Variants in PIP4P2 observed in about 807,000 individuals in gnomAD.
The protein encoded by PIP4P2 is type 2 phosphatidylinositol 4,5-bisphosphate 4-phosphatase.
Under a neutral mutation model 33.3 loss-of-function variants are expected in PIP4P2, and 19 were observed. The observed-to-expected ratio is 0.57, with a 90% CI of 0.40 to 0.84. The LOEUF is 0.84. PIP4P2 is among the 40% of genes least tolerant of loss of function. The probability of loss-of-function intolerance (pLI) is 0.00; values close to 1 mark genes in which losing one functional copy is unlikely to be tolerated. For missense variants in PIP4P2, 270 were observed against 324.7 expected (o/e 0.83, Z 1.29); for synonymous variants, 110 against 111.9 (o/e 0.98, Z 0.11).
chr8:91,040,081 A>T (rs1425520426), intron 1 of PIP4P2, among the ~76,000 whole-genome samples: 1 of 152,186 alleles, frequency 6.6e-6, no homozygotes, highest in Admixed American at 6.6e-5. Flanking sequence ...CAGGAATTTC[A>T]GACATATTAG....
chr8:90,994,568 G>T lies in PIP4P2; in HGVS notation c.*1109C>A, dbSNP rs1323006333. On this transcript the variant is annotated 3_prime_UTR_variant, in exon 7 of 7. Coordinates refer to ENST00000285419, the MANE Select transcript of PIP4P2 (RefSeq NM_018710.3). The stretch of plus-strand genomic sequence containing the variant: ...TCAAAACTGCAAAGATGGGCAGTGC[G>T]AGAGCTGATTCCATAAATTTCAATG... The T allele has an allele frequency of 6.6e-6, 1 of 152,518 alleles. No individual in the cohort carries two copies. Among genetic ancestry groups the T allele is most frequent in the East Asian group, 1.9e-4 (1 of 5,202 alleles). The allele number at this position is 152,518 out of a possible 1,614,324, so 9.4% of individuals were successfully genotyped here. A position where few individuals can be genotyped will look rare whatever the true frequency, so the allele number is the denominator to read the frequency against.
intron 4 of PIP4P2, among the ~76,000 whole-genome samples, chr8:91,012,998 C>A (rs1316705195): frequency 6.6e-6 from 1 of 152,114 alleles, no homozygotes; most frequent in Non-Finnish European, 1.5e-5. Flanking sequence ...ATTCCCTTTT[C>A]TACCCTATTA....
chr8:91,016,378 G>A (rs960215758), intron 4 of PIP4P2, among the ~76,000 whole-genome samples: 3 of 152,004 alleles, frequency 2.0e-5, no homozygotes, highest in Non-Finnish European at 2.9e-5. Flanking sequence ...AGACCCTCAC[G>A]AAGACATAGA....
chr8:91,013,663 T>C (rs1811870217), intron 4 of PIP4P2, among the ~76,000 whole-genome samples: 1 of 152,032 alleles, frequency 6.6e-6, no homozygotes, highest in Non-Finnish European at 1.5e-5. Flanking sequence ...ATCTCCTGAG[T>C]AGCTAGGACT....
intron 2 of PIP4P2, 60 bp downstream of exon 2, chr8:91,021,196 C>T: frequency 6.3e-7 from 1 of 1,584,640 alleles, no homozygotes; most frequent in South Asian, 1.1e-5. Context: ...GAAGTACTTC[C>T]TTTAGGAATA....
At chr8:91,010,924 A>C (rs73299973) in intron 4 of PIP4P2, among the ~76,000 whole-genome samples, 4,813 of 150,146 alleles carry the variant, frequency 0.032, 252 homozygotes, top group African/African-American at 0.11. Context: ...AGTTTCCCCA[A>C]GATATATTTT....
chr8:91,040,829 TGCTGCC>T lies in PIP4P2; in HGVS notation c.-86_-81del, dbSNP rs1563571748. On this transcript the variant is annotated 5_prime_UTR_variant, in exon 1 of 7. Coordinates refer to ENST00000285419, the MANE Select transcript of PIP4P2 (RefSeq NM_018710.3). ...GAGTGGTGGCTACTGCTGCTGCCTC[TGCTGCC>T]GCTGCTGCCGCTGCAGCTGCTGCTG... is the stretch of plus-strand genomic sequence containing the variant. 21 of 1,151,334 alleles carry T rather than the reference TGCTGCC, an allele frequency of 1.8e-5. No individual in the cohort carries two copies. In the East Asian group the frequency reaches 2.3e-4, roughly 13 times the overall value. The allele number at this position is 1,151,334 out of a possible 1,614,324, so 71.3% of individuals were successfully genotyped here.
intron 5 of PIP4P2, among the ~76,000 whole-genome samples, chr8:91,002,999 T>C (rs543870185): frequency 1.2e-4 from 19 of 152,306 alleles, no homozygotes; most frequent in Non-Finnish European, 2.2e-4. Flanking sequence ...TGATTTTGGA[T>C]TTTAGGCAAT....
At chr8:91,019,254 A>C (rs910049613) in intron 3 of PIP4P2, among the ~76,000 whole-genome samples, 70 of 151,970 alleles carry the variant, frequency 4.6e-4, no homozygotes, top group African/African-American at 1.6e-3. Context: ...AATTATATCA[A>C]AAGTAAACTA....
At chr8:91,000,308 T>C (rs771374548) in intron 5 of PIP4P2, among the ~76,000 whole-genome samples, 11 of 151,882 alleles carry the variant, frequency 7.2e-5, no homozygotes, top group Non-Finnish European at 1.3e-4. Context: ...TTCTGGTGAA[T>C]TGTTACAATT....
chr8:91,004,991 T>C (rs1811748061), intron 5 of PIP4P2, among the ~76,000 whole-genome samples: 2 of 152,100 alleles, frequency 1.3e-5, no homozygotes, highest in Admixed American at 1.3e-4. Flanking sequence ...AAGAACTGAA[T>C]ACAGAATTTT....
rs1811616933 is a variant in PIP4P2 at position 90,995,521 on chromosome 8, C to G, written c.*156G>C. Reference sequence around the variant, plus strand: ...AAAACAATTTGCATATAATATAGTGCAATGAGCATTTGTTCATAAAAGACT... The same window carrying G: ...AAAACAATTTGCATATAATATAGTGGAATGAGCATTTGTTCATAAAAGACT... On this transcript the variant is annotated 3_prime_UTR_variant, in exon 7 of 7. Coordinates refer to ENST00000285419, the MANE Select transcript of PIP4P2 (RefSeq NM_018710.3). 1 of 836,856 alleles carries G rather than the reference C, an allele frequency of 1.2e-6. No individual in the cohort carries two copies. Among genetic ancestry groups the G allele is most frequent in the Non-Finnish European group, 1.7e-6 (1 of 599,148 alleles). 51.8% of individuals were successfully genotyped at this position (836,856 alleles called of 1,614,324 possible). A position where few individuals can be genotyped will look rare whatever the true frequency, so the allele number is the denominator to read the frequency against.
chr8:91,009,456 T>C (rs892056828), intron 4 of PIP4P2, among the ~76,000 whole-genome samples: 1 of 152,086 alleles, frequency 6.6e-6, no homozygotes, highest in African/African-American at 2.4e-5. Flanking sequence ...TAAATCTTTA[T>C]CCCATGAAAT....
chr8:91,005,801 C>T (rs913135081), intron 5 of PIP4P2, among the ~76,000 whole-genome samples: 2 of 152,204 alleles, frequency 1.3e-5, no homozygotes, highest in Non-Finnish European at 2.9e-5. Context: ...AATGTCTCTA[C>T]TAGTCATAGG....
At chr8:91,006,020 T>C (rs1811758599) in intron 5 of PIP4P2, among the ~76,000 whole-genome samples, 2 of 152,220 alleles carry the variant, frequency 1.3e-5, no homozygotes, top group South Asian at 4.1e-4. Context: ...GCTTTCCCCA[T>C]ACATTTTGTG....
chr8:91,010,048 G>A (rs1323419813), intron 4 of PIP4P2, among the ~76,000 whole-genome samples: 3 of 151,798 alleles, frequency 2.0e-5, no homozygotes, highest in Admixed American at 6.6e-5. Context: ...AATTATGAGA[G>A]AATTACTTAT....
At chr8:91,034,383 A>G (rs1364269329) in intron 1 of PIP4P2, among the ~76,000 whole-genome samples, 3 of 152,206 alleles carry the variant, frequency 2.0e-5, no homozygotes, top group Admixed American at 2.0e-4. Flanking sequence ...AAAGACTACA[A>G]CAGCAAATGA....
intron 1 of PIP4P2, among the ~76,000 whole-genome samples, chr8:91,022,103 G>A (rs1229479448): frequency 6.6e-6 from 1 of 152,110 alleles, no homozygotes; most frequent in Non-Finnish European, 1.5e-5. Flanking sequence ...GTAAAAAAAT[G>A]TAGTATGTGG....
At chr8:91,020,084 A>G in intron 3 of PIP4P2, 73 bp downstream of exon 3, 1 of 1,448,862 alleles carries the variant, frequency 6.9e-7, no homozygotes, top group East Asian at 2.3e-5. Flanking sequence ...AAAGCCTGGC[A>G]CTGAAGAACC....
Sources: allele counts gnomAD v4.1 joint callset (sites outside exome capture counted in the v4.1 genomes callset), GRCh38; gene constraint gnomAD v4.1.1; transcripts MANE v1.5; gene names NCBI Gene and HGNC (gene_info 2026-07-23, HGNC 2026-07-21).